CD34: variants seen among roughly 807,000 people sequenced by gnomAD.
CD34 encodes the protein hematopoietic progenitor cell antigen CD34.
In CD34, 34 loss-of-function variants were observed where a neutral mutation model predicts 40.1. The ratio of observed to expected loss-of-function variants is 0.85; its 90% CI spans 0.65 to 1.13. The LOEUF is 1.13. CD34 is among the 50% of genes most tolerant of loss of function. The pLI is 0.00. For missense variants in CD34, 426 were observed against 466.9 expected (o/e 0.91, Z 0.81); for synonymous variants, 209 against 190.0 (o/e 1.10, Z -0.82).
rs1467954910 is a variant in CD34 at position 207,889,170 on chromosome 1, G to A, written c.798C>T (p.Asp266=). Residue 266 remains aspartate (D), a synonymous_variant, in exon 6 of 8, where the codon GAC becomes GAT. Coordinates refer to ENST00000310833, the MANE Select transcript of CD34 (RefSeq NM_001025109.2). ...KLQLMKKHQS[D]LKKLGILDFT... ...ATCTCAGAGGACTTACCTTTTTCAG[G>A]TCAGATTGGTGCTTTTTCATAAGTT... is the stretch of plus-strand genomic sequence containing the variant. 5 of 1,585,222 alleles carry A rather than the reference G, an allele frequency of 3.2e-6. No homozygotes were observed. In the African/African-American group the frequency reaches 6.7e-5, roughly 21 times the overall value.
chr1:207,892,077 G>T (rs949133435), intron 4 of CD34, among the ~76,000 whole-genome samples: 2 of 152,136 alleles, frequency 1.3e-5, no homozygotes, highest in African/African-American at 4.8e-5. Context: ...AGAGAATGAA[G>T]AACACTACCT....
chr1:207,885,224 A>C lies in CD34; in HGVS notation c.*2514T>G, dbSNP rs1474140276. ...GGAGGCGATTGAGCTGAGGCTGAGC[A>C]GTAGGACCTCAATAAGGCCAGCAGG... On this transcript the variant is annotated 3_prime_UTR_variant, in exon 8 of 8. Transcript: ENST00000310833. 6.6e-6 allele frequency: 1 copy of C among 152,234 alleles called. No homozygotes were observed. Among genetic ancestry groups the C allele is most frequent in the Non-Finnish European group, 1.5e-5 (1 of 68,062 alleles). The allele number at this position is 152,234 out of a possible 1,614,324, so 9.4% of individuals were successfully genotyped here. A position where few individuals can be genotyped will look rare whatever the true frequency, so the allele number is the denominator to read the frequency against.
chr1:207,899,621 T>C (rs1662232808), intron 2 of CD34, among the ~76,000 whole-genome samples, 200 bp downstream of exon 2: 1 of 152,154 alleles, frequency 6.6e-6, no homozygotes, highest in Non-Finnish European at 1.5e-5. Flanking sequence ...TCCCAAGACA[T>C]GGGCCTGAGA....
At position 207,899,053 on chromosome 1, in the gene CD34, G is replaced by A. The variant is rs1437866697; in HGVS notation, c.436C>T (p.Leu146Phe). Residue 146 changes from leucine (L) to phenylalanine (F), a missense_variant, in exon 3 of 8, where the codon CTT becomes TTT. By Grantham distance (22) the Leu-to-Phe change is conservative (BLOSUM62 0). Transcript: ENST00000310833. ...PSLSPGNVSD[L>F]STTSTSLATS... ...GCAAGGCTAGTGCTAGTGGTTGAAA[G>A]GTCTGAAACATTTCCAGGTGACAGG... The A allele has an allele frequency of 1.2e-6, 2 of 1,614,188 alleles. No individual in the cohort carries two copies. The highest frequency in any genetic ancestry group is 8.5e-7 in the Non-Finnish European group (1 of 1,179,982).
At chr1:207,906,629 G>A (rs868458142) in intron 1 of CD34, among the ~76,000 whole-genome samples, 1 of 152,152 alleles carries the variant, frequency 6.6e-6, no homozygotes. Flanking sequence ...TGGATCATCT[G>A]AAGTCAGGAG....
chr1:207,907,029 C>T (rs1361236768), intron 1 of CD34, among the ~76,000 whole-genome samples: 7 of 151,932 alleles, frequency 4.6e-5, no homozygotes, highest in South Asian at 4.2e-4. Flanking sequence ...GCTCCCTGTC[C>T]GCACTAGTAT....
chr1:207,893,181 CAT>C (rs1662071844), intron 4 of CD34, among the ~76,000 whole-genome samples: 1 of 152,342 alleles, frequency 6.6e-6, no homozygotes, highest in African/African-American at 2.4e-5. Flanking sequence ...TCAGCTCACA[CAT>C]GTTTCTCTGC....
At chr1:207,898,928 T>C (rs1300091085) in intron 3 of CD34, 45 bp downstream of exon 3, 3 of 1,605,636 alleles carry the variant, frequency 1.9e-6, no homozygotes, top group Admixed American at 1.7e-5. Context: ...CCTGCATACA[T>C]ATGAAGTGAG....
chr1:207,887,848 G>A lies in CD34; in HGVS notation c.1048C>T (p.Gln350Ter). ...SSGPGTSPEA[Q>*]GKASVNRGAQ... ...CCTCGGTTCACACTGGCCTTTCCCT[G>A]AGCCTCAGGGGAGGTCCCAGGTCCT... Residue 350 changes from glutamine (Q) to a stop codon, truncating the protein, a stop_gained, in exon 8 of 8, where the codon CAG (glutamine) becomes TAG (stop). Coordinates refer to ENST00000310833, the MANE Select transcript of CD34 (RefSeq NM_001025109.2). LOFTEE classifies it high-confidence loss of function. The A allele has an allele frequency of 6.2e-7, 1 of 1,614,196 alleles. No individual in the cohort carries two copies. The highest frequency in any genetic ancestry group is 2.2e-5 in the East Asian group (1 of 44,880).
In CD34 at chr1:207,888,643, ATCTTCC is replaced by A. The variant is rs748488861; in HGVS notation, c.972+33_972+38del. ...CCACTGAACTCCCCAGAAACCCACT[ATCTTCC>A]TCATTTCCTTTACCCTGGCCCCCAG... On this transcript the variant is annotated intron_variant, in intron 7 of 7. Transcript: ENST00000310833. 28 of 1,605,668 alleles carry A rather than the reference ATCTTCC, an allele frequency of 1.7e-5. 2 individuals carry two copies. The South Asian group carries it at 3.0e-4, about 17-fold the overall frequency.
chr1:207,889,364 A>T, intron 5 of CD34, 101 bp downstream of exon 5: 1 of 1,528,880 alleles, frequency 6.5e-7, no homozygotes, highest in Non-Finnish European at 8.9e-7. Context: ...TCTCCCCAGC[A>T]CCTGTGGTCT....
At chr1:207,897,624 T>A (rs1284066062) in intron 3 of CD34, 51 bp from the exon 4 acceptor site, 2 of 1,381,282 alleles carry the variant, frequency 1.4e-6, no homozygotes, top group African/African-American at 2.9e-5. Flanking sequence ...AGCCAGTATC[T>A]TTGCTCCTCA....
At chr1:207,892,754 T>C (rs1476752259) in intron 4 of CD34, among the ~76,000 whole-genome samples, 2 of 152,158 alleles carry the variant, frequency 1.3e-5, no homozygotes, top group African/African-American at 2.4e-5. Flanking sequence ...TGTGACTAGA[T>C]TGTAAGACTC....
intron 4 of CD34, among the ~76,000 whole-genome samples, chr1:207,895,845 T>A (rs1202673114): frequency 6.6e-6 from 1 of 152,204 alleles, no homozygotes; most frequent in Non-Finnish European, 1.5e-5. Context: ...AGCAAAGAAC[T>A]TGACAATTTT....
chr1:207,900,049 C>T, intron 1 of CD34, 46 bp from the exon 2 acceptor site: 2 of 1,402,304 alleles, frequency 1.4e-6, no homozygotes, highest in Non-Finnish European at 2.0e-6. Context: ...AGATATCAGC[C>T]TGGTGATATC....
rs181652578 is a variant in CD34, at chr1:207,881,576, C to A, written c.*6162G>T. The A allele has an allele frequency of 4.8e-5, 7 of 146,976 alleles. No individual in the cohort carries two copies. The highest frequency in any genetic ancestry group is 1.8e-4 in the African/African-American group (7 of 39,618). 9.1% of individuals were successfully genotyped at this position (146,976 alleles called of 1,614,324 possible). A position where few individuals can be genotyped will look rare whatever the true frequency, so the allele number is the denominator to read the frequency against. ...TTGGGAGGCTGAGGCAGGAGAATGG[C>A]GTGAACCCGGGAGGCAGAGCTTGCA... is the stretch of plus-strand genomic sequence containing the variant. On this transcript the variant is annotated 3_prime_UTR_variant, in exon 8 of 8. Transcript: ENST00000310833.
In CD34 at chr1:207,888,864, G is replaced by T; in HGVS notation, c.808-18C>A. ...ATCCCCAGCTTGAAAAGAAGACAAAGAAGATACAGCCTGTCACTTGCCAAA... is the reference window on the plus strand; with the variant it reads ...ATCCCCAGCTTGAAAAGAAGACAAATAAGATACAGCCTGTCACTTGCCAAA... On this transcript the variant is annotated intron_variant, in intron 6 of 7. Transcript: ENST00000310833. 6.2e-7 allele frequency: 1 copy of T among 1,613,446 alleles called. No individual in the cohort carries two copies. The highest frequency in any genetic ancestry group is 8.5e-7 in the Non-Finnish European group (1 of 1,179,486).
chr1:207,900,190 T>C (rs1179771105), intron 1 of CD34, among the ~76,000 whole-genome samples, 187 bp from the exon 2 acceptor site: 3 of 152,096 alleles, frequency 2.0e-5, no homozygotes, highest in Non-Finnish European at 2.9e-5. Flanking sequence ...CCTGAGGACA[T>C]AGGGAAGGAA....
rs888276252 is a variant in CD34, at chr1:207,882,865, C to A, written c.*4873G>T. The A allele has an allele frequency of 1.3e-5, 2 of 152,162 alleles. No homozygotes were observed. Among genetic ancestry groups the A allele is most frequent in the Non-Finnish European group, 2.9e-5 (2 of 68,086 alleles). 9.4% of individuals were successfully genotyped at this position (152,162 alleles called of 1,614,324 possible). ...TCCATGGTCTTCCACGGCTTCCATG[C>A]CCCTCCCACTCAGAGCTTCCTATAC... On this transcript the variant is annotated 3_prime_UTR_variant, in exon 8 of 8. Coordinates refer to ENST00000310833, the MANE Select transcript of CD34 (RefSeq NM_001025109.2).
Sources: allele counts gnomAD v4.1 joint callset (sites outside exome capture counted in the v4.1 genomes callset), GRCh38; gene constraint gnomAD v4.1.1; transcripts MANE v1.5; gene names NCBI Gene and HGNC (gene_info 2026-07-23, HGNC 2026-07-21).